Variants in CNKSR3 observed in about 807,000 individuals in gnomAD.
CNKSR3 encodes CNKSR family member 3.
A neutral mutation model predicts 67.7 loss-of-function variants in CNKSR3; 36 were observed. The ratio of observed to expected loss-of-function variants is 0.53; its 90% CI spans 0.41 to 0.70. The LOEUF is 0.70. Among genes scored for constraint, CNKSR3 ranks in the 30% least tolerant of loss-of-function variants. The pLI is 0.00. For synonymous variants in CNKSR3, 281 were observed against 271.4 expected (o/e 1.04, Z -0.35); for missense variants, 630 against 695.2 (o/e 0.91, Z 1.05).
intron 1 of CNKSR3, among the ~76,000 whole-genome samples, chr6:154,462,770 T>C (rs891964693): frequency 6.6e-6 from 1 of 152,190 alleles, no homozygotes; most frequent in South Asian, 2.1e-4. Context: ...GAGCCCAGCA[T>C]TCTGTTATTC....
intron 1 of CNKSR3, among the ~76,000 whole-genome samples, chr6:154,453,653 ACATTATGACCTATTGTTCGG>A (rs1785886977): frequency 6.6e-6 from 1 of 152,316 alleles, no homozygotes; most frequent in African/African-American, 2.4e-5. Context: ...TTATTCCAAT[ACATTATGACCTATTGTTCGG>A]CAGTCCTATT....
chr6:154,480,045 A>T (rs1225585897), intron 1 of CNKSR3, among the ~76,000 whole-genome samples: 1 of 152,150 alleles, frequency 6.6e-6, no homozygotes, highest in Non-Finnish European at 1.5e-5. Context: ...ATTTTGGGGG[A>T]AGTAAACTTT....
At chr6:154,410,275 G>T in intron 12 of CNKSR3, 68 bp downstream of exon 12, 2 of 1,102,266 alleles carry the variant, frequency 1.8e-6, no homozygotes, top group Non-Finnish European at 2.8e-6. Context: ...AGAAACAGAG[G>T]TGAAACCAGG....
Position 154,510,409 on chromosome 6 carries a change from G to A in CNKSR3, c.-295C>T. 1 of 479,274 alleles carries A rather than the reference G, an allele frequency of 2.1e-6. No individual in the cohort carries two copies. The allele number at this position is 479,274 out of a possible 1,614,324, so 29.7% of individuals were successfully genotyped here. On this transcript the variant is annotated 5_prime_UTR_variant, in exon 1 of 13. Coordinates refer to ENST00000607772, the MANE Select transcript of CNKSR3 (RefSeq NM_173515.4). ...GCGACGGCAGCTGCAGGCACGCCGGGCTGCGACCCCAGACCCCTGGCCTCG... is the reference window on the plus strand; with the variant it reads ...GCGACGGCAGCTGCAGGCACGCCGGACTGCGACCCCAGACCCCTGGCCTCG...
At position 154,403,902 on chromosome 6, in the gene CNKSR3, T is replaced by G. The variant is rs1784743855; in HGVS notation, c.*2452A>C. On this transcript the variant is annotated 3_prime_UTR_variant, in exon 13 of 13. Coordinates refer to ENST00000607772, the MANE Select transcript of CNKSR3 (RefSeq NM_173515.4). ...AAGGCCTCCAGAGTGATTTAACTCA[T>G]CATCCAGTGGAACTACAGCTCTTAG... 6.6e-6 allele frequency: 1 copy of G among 152,202 alleles called. No individual in the cohort carries two copies. The highest frequency in any genetic ancestry group is 1.5e-5 in the Non-Finnish European group (1 of 68,042). 9.4% of individuals were successfully genotyped at this position (152,202 alleles called of 1,614,324 possible).
chr6:154,416,253 T>C (rs2128712640), intron 9 of CNKSR3, among the ~76,000 whole-genome samples: 1 of 152,294 alleles, frequency 6.6e-6, no homozygotes, highest in South Asian at 2.1e-4. Context: ...GTGACGGAGC[T>C]AGACATGGCC....
chr6:154,427,000 C>A (rs767062819), intron 7 of CNKSR3, among the ~76,000 whole-genome samples: 1 of 152,170 alleles, frequency 6.6e-6, no homozygotes, highest in South Asian at 2.1e-4. Flanking sequence ...CCATCCCCAG[C>A]CTAAAAGCAG....
At chr6:154,446,858 G>A (rs1016601779) in intron 2 of CNKSR3, among the ~76,000 whole-genome samples, 8 of 146,794 alleles carry the variant, frequency 5.4e-5, no homozygotes, top group African/African-American at 1.0e-4. Flanking sequence ...AGGCTGGAGC[G>A]CAGTGGCATG....
chr6:154,428,636 G>A (rs1398500212), intron 6 of CNKSR3, among the ~76,000 whole-genome samples: 1 of 152,014 alleles, frequency 6.6e-6, no homozygotes, highest in Non-Finnish European at 1.5e-5. Flanking sequence ...TCTCACCTCA[G>A]CCTCCCCAAG....
At chr6:154,492,716 A>G (rs943969237) in intron 1 of CNKSR3, among the ~76,000 whole-genome samples, 1 of 149,880 alleles carries the variant, frequency 6.7e-6, no homozygotes, top group African/African-American at 2.4e-5. Flanking sequence ...ACTGCACTCC[A>G]GCCTGGGTGA....
At chr6:154,482,467 T>G (rs554788851) in intron 1 of CNKSR3, among the ~76,000 whole-genome samples, 1 of 152,338 alleles carries the variant, frequency 6.6e-6, no homozygotes, top group Admixed American at 6.5e-5. Context: ...TTTTTTAGAT[T>G]AATAAAGTTA....
At chr6:154,462,364 G>C (rs866554662) in intron 1 of CNKSR3, among the ~76,000 whole-genome samples, 19 of 151,950 alleles carry the variant, frequency 1.3e-4, no homozygotes, top group Admixed American at 1.2e-3. Flanking sequence ...GATTTGCCTG[G>C]ATGTTTCACA....
At chr6:154,449,286 A>G (rs533005260) in intron 2 of CNKSR3, among the ~76,000 whole-genome samples, 18 of 152,366 alleles carry the variant, frequency 1.2e-4, no homozygotes, top group South Asian at 1.0e-3. Flanking sequence ...CAGACATGAA[A>G]ATCAGAACCT....
rs1196953892 is a variant in CNKSR3 at position 154,442,202 on chromosome 6, C to T, written c.305G>A (p.Arg102Gln). 24 of 1,614,008 alleles carry T rather than the reference C, an allele frequency of 1.5e-5. No homozygotes were observed. Among genetic ancestry groups the T allele is most frequent in the Middle Eastern group, 3.3e-4 (2 of 6,084 alleles). The change falls in exon 3 of 13, where the codon CGA becomes CAA. Residue 102 changes from arginine to glutamine, a missense_variant. Arg to Gln is a conservative substitution (Grantham distance 43, BLOSUM62 1). This residue lies in a region of CNKSR3 where 189 missense variants were observed against 205.0 expected (regional missense o/e 0.92). Coordinates refer to ENST00000607772, the MANE Select transcript of CNKSR3 (RefSeq NM_173515.4). Reference protein sequence around the residue: ...SHNLQNYISSRRKSPAYDGNT... With the variant: ...SHNLQNYISSQRKSPAYDGNT... ...GCCATCGTAAGCGGGACTTTTCCGT[C>T]GGCTACTTATGTAATTCTGTAAATT...
At chr6:154,500,920 C>G (rs902531807) in intron 1 of CNKSR3, among the ~76,000 whole-genome samples, 6 of 152,128 alleles carry the variant, frequency 3.9e-5, no homozygotes, top group African/African-American at 1.4e-4. Flanking sequence ...AGGCTAAGTC[C>G]AATTTCACAA....
rs1452070364 is a variant in CNKSR3, at chr6:154,424,187, C to T, written c.730-1204G>A. The stretch of plus-strand genomic sequence containing the variant: ...CGGAGCTTGCAGTGAGCCGAGATCG[C>T]GCCACTGCACTCCAGCCTAGGCGAC... On this transcript the variant is annotated intron_variant, in intron 7 of 12. Transcript: ENST00000607772. Among the ~76,000 whole-genome samples the T allele has an allele frequency of 4.0e-5, 6 of 148,512 alleles. No homozygotes were observed. The South Asian group carries it at 6.4e-4, about 16-fold the overall frequency.
At chr6:154,498,335 G>A (rs1014623553) in intron 1 of CNKSR3, among the ~76,000 whole-genome samples, 2 of 149,846 alleles carry the variant, frequency 1.3e-5, no homozygotes, top group African/African-American at 5.0e-5. Context: ...CCATAGATAT[G>A]TTTTGTTTGG....
At chr6:154,466,490 C>T (rs946938328) in intron 1 of CNKSR3, among the ~76,000 whole-genome samples, 1 of 152,126 alleles carries the variant, frequency 6.6e-6, no homozygotes, top group East Asian at 1.9e-4. Context: ...AGTCCAGGAC[C>T]CAGCCTTGGC....
chr6:154,483,888 A>T (rs2114641612), intron 1 of CNKSR3, among the ~76,000 whole-genome samples: 1 of 152,314 alleles, frequency 6.6e-6, no homozygotes, highest in South Asian at 2.1e-4. Context: ...AGTCCCTCAC[A>T]CAGAAGGTTA....
Sources: allele counts gnomAD v4.1 joint callset (sites outside exome capture counted in the v4.1 genomes callset), GRCh38; gene constraint gnomAD v4.1.1; regional missense constraint gnomAD v4.1.1; transcripts MANE v1.5; gene names NCBI Gene and HGNC (gene_info 2026-07-23, HGNC 2026-07-21).